Variants in FAM184A observed in about 807,000 individuals in gnomAD.
FAM184A encodes protein FAM184A.
FAM184A carries 99 observed loss-of-function variants against 143.8 expected under a neutral mutation model. That is an observed-to-expected ratio of 0.69 (90% confidence interval 0.58 to 0.81). FAM184A has a LOEUF of 0.81. Among genes scored for constraint, FAM184A ranks in the 40% least tolerant of loss-of-function variants. FAM184A has a pLI of 0.00. For missense variants in FAM184A, 1,217 were observed against 1,310.5 expected, an observed-to-expected ratio of 0.93 and a Z score of 1.10; for synonymous variants, 427 against 446.4, an observed-to-expected ratio of 0.96 and a Z score of 0.55.
intron 9 of FAM184A, among the ~76,000 whole-genome samples, chr6:119,000,249 C>T (rs916707594): frequency 6.6e-6 from 1 of 152,102 alleles, no homozygotes; most frequent in African/African-American, 2.4e-5. Context: ...AAAATATGAT[C>T]ACAGAAAACT....
At chr6:118,991,397 A>C (rs929087980) in intron 9 of FAM184A, among the ~76,000 whole-genome samples, 4 of 151,976 alleles carry the variant, frequency 2.6e-5, no homozygotes, top group Non-Finnish European at 4.4e-5. Flanking sequence ...CTGACCTCAA[A>C]TGAGATCCAC....
At chr6:119,023,124 C>T (rs1481590610) in intron 2 of FAM184A, 44 bp from the exon 3 acceptor site, 1 of 1,598,072 alleles carries the variant, frequency 6.3e-7, no homozygotes, top group Non-Finnish European at 8.6e-7. Flanking sequence ...AGGAATAATA[C>T]TAAGCTAAAT....
intron 16 of FAM184A, chr6:118,963,324 A>T (rs532227249): frequency 6.6e-6 from 1 of 152,042 alleles, no homozygotes; most frequent in Non-Finnish European, 1.5e-5. Flanking sequence ...TATTTTTAGT[A>T]TATCTTTTTT....
rs1054305944 is a variant in FAM184A, at chr6:119,024,123, C to T, written c.850G>A (p.Glu284Lys). The change falls in exon 2 of 18, where the codon GAA becomes AAA. Residue 284 changes from glutamate to lysine, a missense_variant. Transcript: ENST00000338891. ...AESLQASKEK[E>K]ADLRKEFQGQ... ...TGAAATTCTTTTCTAAGATCAGCTT[C>T]CTTTTCTTTGCTGGCCTGTAGGCTT... 1.9e-6 allele frequency: 3 copies of T among 1,614,002 alleles called. No individual in the cohort carries two copies. Among genetic ancestry groups the T allele is most frequent in the Non-Finnish European group, 2.5e-6 (3 of 1,180,036 alleles).
chr6:119,020,333 A>G (rs1181443412), intron 3 of FAM184A, among the ~76,000 whole-genome samples, 174 bp from the exon 4 acceptor site: 3 of 152,214 alleles, frequency 2.0e-5, no homozygotes, highest in Non-Finnish European at 2.9e-5. Context: ...ACATGAAAAT[A>G]CTTCTTAGCG....
intron 1 of FAM184A, among the ~76,000 whole-genome samples, chr6:119,139,914 G>A (rs1250182127): frequency 6.6e-6 from 1 of 152,206 alleles, no homozygotes; most frequent in Non-Finnish European, 1.5e-5. Context: ...ATGCACAAGT[G>A]TGTGAGATGT....
chr6:119,111,220 A>T (rs1420449861), intron 1 of FAM184A, among the ~76,000 whole-genome samples: 1 of 152,218 alleles, frequency 6.6e-6, no homozygotes, highest in Non-Finnish European at 1.5e-5. Context: ...ACGTTATCAC[A>T]TAGATGAGCC....
At chr6:118,999,958 A>G (rs1198255559) in intron 9 of FAM184A, among the ~76,000 whole-genome samples, 1 of 152,166 alleles carries the variant, frequency 6.6e-6, no homozygotes, top group Non-Finnish European at 1.5e-5. Context: ...AAATCTTCCT[A>G]TTAGATTGTA....
chr6:119,138,593 CTTATTATTA>C (rs141615745), intron 1 of FAM184A, among the ~76,000 whole-genome samples: 14,806 of 147,956 alleles, frequency 0.1, 948 homozygotes, highest in Admixed American at 0.23. Flanking sequence ...CGCTCTTTCA[CTTATTATTA>C]TTATTATTAT....
intron 1 of FAM184A, among the ~76,000 whole-genome samples, chr6:119,063,927 T>C (rs1389384016): frequency 6.6e-6 from 1 of 152,086 alleles, no homozygotes; most frequent in Non-Finnish European, 1.5e-5. Context: ...TTTGGAGAGT[T>C]CAAAAATGCC....
chr6:119,129,723 T>C (rs811109), intron 1 of FAM184A, among the ~76,000 whole-genome samples: 1 of 97,794 alleles, frequency 1.0e-5, no homozygotes, highest in South Asian at 3.3e-4. Flanking sequence ...TGTGTGTGTG[T>C]GGGGGGTTGT....
In FAM184A at chr6:118,989,406, A is replaced by T. The variant is rs1032806210; in HGVS notation, c.2089-9056T>A. ...AATACAAAATAATATTTTTATTTAT[A>T]TTGCTATATTTTTATATTTATATTG... On this transcript the variant is annotated intron_variant, in intron 9 of 17. Coordinates refer to ENST00000338891, the MANE Select transcript of FAM184A (RefSeq NM_024581.6). Among the ~76,000 whole-genome samples, 61 of 136,902 alleles carry T rather than the reference A, an allele frequency of 4.5e-4. 3 individuals are homozygous for T. Among genetic ancestry groups the T allele is most frequent in the Non-Finnish European group, 6.7e-5 (4 of 59,476 alleles). The allele number at this position is 136,902 out of a possible 152,430, so 89.8% of individuals were successfully genotyped here. A position where few individuals can be genotyped will look rare whatever the true frequency, so the allele number is the denominator to read the frequency against.
chr6:119,097,715 T>G (rs1788543261), intron 1 of FAM184A, among the ~76,000 whole-genome samples: 1 of 152,168 alleles, frequency 6.6e-6, no homozygotes, highest in African/African-American at 2.4e-5. Flanking sequence ...GGTGTAATGT[T>G]GCAATACTTT....
chr6:119,099,204 C>T (rs561622277), intron 1 of FAM184A, among the ~76,000 whole-genome samples: 34 of 152,214 alleles, frequency 2.2e-4, no homozygotes, highest in African/African-American at 7.7e-4. Flanking sequence ...CTTCCCATAC[C>T]TCACCCTATG....
intron 1 of FAM184A, among the ~76,000 whole-genome samples, chr6:119,040,587 G>A (rs1786291034): frequency 6.6e-6 from 1 of 152,134 alleles, no homozygotes; most frequent in South Asian, 2.1e-4. Context: ...ACAAATGGTG[G>A]GGCTAAAGCC....
chr6:119,002,722 G>C (rs1344996606), intron 9 of FAM184A, among the ~76,000 whole-genome samples, 177 bp downstream of exon 9: 1 of 151,918 alleles, frequency 6.6e-6, no homozygotes, highest in Non-Finnish European at 1.5e-5. Flanking sequence ...CAATGATTTA[G>C]CAAAATGTTT....
At chr6:118,996,881 A>AT (rs571005695) in intron 9 of FAM184A, among the ~76,000 whole-genome samples, 5,902 of 139,002 alleles carry the variant, frequency 0.042, 154 homozygotes, top group African/African-American at 0.075. Flanking sequence ...TGCCTGGCTA[A>AT]TTTTTTTTTT....
At chr6:119,110,414 C>G (rs1256198969) in intron 1 of FAM184A, among the ~76,000 whole-genome samples, 1 of 152,018 alleles carries the variant, frequency 6.6e-6, no homozygotes, top group African/African-American at 2.4e-5. Flanking sequence ...GCTTCTATCT[C>G]CAGGAAAGAA....
intron 1 of FAM184A, among the ~76,000 whole-genome samples, chr6:119,101,599 T>C (rs992191112): frequency 5.9e-5 from 9 of 152,200 alleles, no homozygotes; most frequent in Non-Finnish European, 1.2e-4. Context: ...CGCGCAAATT[T>C]CTTGAGTGTG....
Sources: allele counts gnomAD v4.1 joint callset (sites outside exome capture counted in the v4.1 genomes callset), GRCh38; gene constraint gnomAD v4.1.1; transcripts MANE v1.5; gene names NCBI Gene and HGNC (gene_info 2026-07-23, HGNC 2026-07-21).